Variants in CSMD1 observed in about 807,000 individuals in gnomAD.
CSMD1 encodes the protein CUB and Sushi multiple domains 1, also known as CUB and sushi domain-containing protein 1.
Under a neutral mutation model 417.5 loss-of-function variants are expected in CSMD1, and 213 were observed. That is an observed-to-expected ratio of 0.51 (90% CI 0.46 to 0.57). The LOEUF (loss-of-function observed/expected upper bound fraction) is 0.57, where lower values mean the gene tolerates loss of function less well. Ranked by LOEUF, CSMD1 falls within the 20% of genes least tolerant of loss-of-function variation. The probability of loss-of-function intolerance (pLI) is 0.00; values close to 1 mark genes in which losing one functional copy is unlikely to be tolerated. For synonymous variants in CSMD1, 2,862 were observed against 1,736.8 expected, an observed-to-expected ratio of 1.65 and a Z score of -16.11; for missense variants, 6,923 against 4,529.7, an observed-to-expected ratio of 1.53 and a Z score of -15.17.
chr8:4,755,745 T>C (rs372572594), intron 1 of CSMD1, among the ~76,000 whole-genome samples: 2 of 152,238 alleles, frequency 1.3e-5, no homozygotes, highest in Non-Finnish European at 2.9e-5. Context: ...GAGTTACATA[T>C]TCATTGCTTT....
chr8:2,957,745 G>A lies in CSMD1; in HGVS notation c.9765C>T (p.Arg3255=), dbSNP rs776564858. The change falls in exon 63 of 70, where the codon CGC becomes CGT. Residue 3255 remains arginine (R), a synonymous_variant. Transcript: ENST00000635120. The part of the protein sequence containing the change: ...KGYHIQGSTT[R]TCLANLTWSG... ...TCCATGTTAAATTGGCAAGGCAGGT[G>A]CGAGTCGTGGAACCTTGAATATGGT... 1.9e-6 allele frequency: 3 copies of A among 1,599,922 alleles called. No homozygotes were observed. In the African/African-American group the frequency reaches 4.0e-5, roughly 21 times the overall value.
chr8:3,714,794 A>AT (rs1208991107), intron 6 of CSMD1, among the ~76,000 whole-genome samples: 1 of 151,998 alleles, frequency 6.6e-6, no homozygotes, highest in Non-Finnish European at 1.5e-5. Flanking sequence ...TATTTGGAGC[A>AT]TTTTTTGTCT....
intron 3 of CSMD1, among the ~76,000 whole-genome samples, chr8:4,295,750 G>GTA (rs756556655): frequency 2.9e-4 from 10 of 34,244 alleles, no homozygotes; most frequent in African/African-American, 6.4e-4. Context: ...ATGTGTGTGT[G>GTA]TATATATATA....
rs140066806 is a variant in CSMD1 at position 3,509,745 on chromosome 8, T to C, written c.1345-16019A>G. Among the ~76,000 whole-genome samples, 303 of 152,310 alleles carry C rather than the reference T, an allele frequency of 2.0e-3. 2 individuals carry two copies. Among genetic ancestry groups the C allele is most frequent in the African/African-American group, 7.0e-3 (289 of 41,570 alleles). On this transcript the variant is annotated intron_variant, in intron 10 of 69. Transcript: ENST00000635120. Reference sequence around the variant, plus strand: ...AATTAACAGAATAATCAGAGTGATATTTTGTTCTAGAATCCAAGGGGTCTG... The same window carrying C: ...AATTAACAGAATAATCAGAGTGATACTTTGTTCTAGAATCCAAGGGGTCTG...
intron 3 of CSMD1, among the ~76,000 whole-genome samples, chr8:4,183,543 T>G (rs957141325): frequency 5.9e-5 from 9 of 152,226 alleles, no homozygotes; most frequent in Non-Finnish European, 1.0e-4. Context: ...TGTAATATGA[T>G]AAGTCAGAGA....
intron 25 of CSMD1, among the ~76,000 whole-genome samples, chr8:3,287,445 T>C (rs1803244106): frequency 6.6e-6 from 1 of 152,214 alleles, no homozygotes; most frequent in African/African-American, 2.4e-5. Context: ...CATGGAATGT[T>C]CTTCCATTTG....
chr8:3,151,253 C>G (rs1819176099), intron 40 of CSMD1, 144 bp downstream of exon 40: 1 of 556,314 alleles, frequency 1.8e-6, no homozygotes, highest in Admixed American at 3.2e-5. Context: ...AGTTACTCTG[C>G]CAAAGCTTTA....
At chr8:4,973,508 G>T (rs1443118766) in intron 1 of CSMD1, among the ~76,000 whole-genome samples, 5 of 152,036 alleles carry the variant, frequency 3.3e-5, no homozygotes, top group Admixed American at 1.3e-4. Context: ...TAGAAACTTT[G>T]TTGAATTCTA....
At chr8:3,443,163 C>T (rs532703563) in intron 12 of CSMD1, among the ~76,000 whole-genome samples, 49 of 152,252 alleles carry the variant, frequency 3.2e-4, no homozygotes, top group African/African-American at 9.6e-4. Context: ...CACGTGTCAC[C>T]TTCTGCTGCA....
At chr8:3,864,985 A>C (rs1294667216) in intron 5 of CSMD1, among the ~76,000 whole-genome samples, 1 of 152,180 alleles carries the variant, frequency 6.6e-6, no homozygotes, top group African/African-American at 2.4e-5. Flanking sequence ...GCATGACATC[A>C]TCTGCTTTAG....
chr8:3,647,510 G>T (rs202030361), intron 7 of CSMD1, among the ~76,000 whole-genome samples: 2 of 152,142 alleles, frequency 1.3e-5, no homozygotes, highest in African/African-American at 4.8e-5. Flanking sequence ...AAGTATATCA[G>T]AGAAATATAG....
intron 4 of CSMD1, among the ~76,000 whole-genome samples, chr8:4,008,600 C>CTTTTTTT (rs1161117794): frequency 3.0e-3 from 245 of 80,470 alleles, no homozygotes; most frequent in African/African-American, 7.1e-3. Context: ...TTCTTTTTTT[C>CTTTTTTT]TTTTTTTTTT....
intron 5 of CSMD1, among the ~76,000 whole-genome samples, chr8:3,834,759 G>A (rs981135832): frequency 5.3e-5 from 8 of 151,842 alleles, no homozygotes; most frequent in African/African-American, 9.7e-5. Context: ...CCAAGATGGC[G>A]GAATAGGAAG....
intron 18 of CSMD1, among the ~76,000 whole-genome samples, chr8:3,372,534 C>T (rs559729342): frequency 9.2e-5 from 14 of 152,080 alleles, no homozygotes; most frequent in Admixed American, 2.0e-4. Flanking sequence ...TCTGAACCTG[C>T]CTGTGTCCTG....
chr8:3,926,776 C>T (rs1440582066), intron 5 of CSMD1, among the ~76,000 whole-genome samples: 2 of 124,060 alleles, frequency 1.6e-5, no homozygotes, highest in East Asian at 2.4e-4. Context: ...AATGCAGTGT[C>T]GTGATCTCAG....
chr8:3,850,257 C>G (rs932172638), intron 5 of CSMD1, among the ~76,000 whole-genome samples: 5 of 152,178 alleles, frequency 3.3e-5, no homozygotes, highest in African/African-American at 4.8e-5. Context: ...TAGGTAAGTC[C>G]AAAGATAGAA....
chr8:3,635,812 A>G (rs12542023), intron 7 of CSMD1, among the ~76,000 whole-genome samples: 27,370 of 112,194 alleles, frequency 0.24, 3,056 homozygotes, highest in Middle Eastern at 0.32. Context: ...AAAAAAAAAA[A>G]AAAGAAAGAA....
intron 1 of CSMD1, among the ~76,000 whole-genome samples, chr8:4,661,498 G>A (rs1804604991): frequency 6.6e-6 from 1 of 152,122 alleles, no homozygotes. Flanking sequence ...GGGGTCAGGA[G>A]GAACGTGAAT....
chr8:3,730,280 T>C (rs1275971776), intron 6 of CSMD1, among the ~76,000 whole-genome samples: 5 of 151,994 alleles, frequency 3.3e-5, no homozygotes, highest in Non-Finnish European at 5.9e-5. Context: ...GCCCCTTGGA[T>C]GCATCATCCC....
Sources: allele counts gnomAD v4.1 joint callset (sites outside exome capture counted in the v4.1 genomes callset), GRCh38; gene constraint gnomAD v4.1.1; transcripts MANE v1.5; gene names NCBI Gene and HGNC (gene_info 2026-07-23, HGNC 2026-07-21).